Variants in ST18 observed in about 807,000 individuals in gnomAD.
The protein encoded by ST18 is suppression of tumorigenicity 18 protein.
In ST18, 50 loss-of-function variants were observed where a neutral mutation model predicts 110.0. That is an observed-to-expected ratio of 0.45 (90% CI 0.36 to 0.58). ST18 has a LOEUF of 0.58. Ranked by LOEUF, ST18 falls within the 20% of genes least tolerant of loss-of-function variation. The pLI, the probability that ST18 is intolerant of heterozygous loss-of-function variation, is 0.00. For synonymous variants in ST18, 461 were observed against 452.4 expected, an observed-to-expected ratio of 1.02 and a Z score of -0.24; for missense variants, 1,306 against 1,280.1, an observed-to-expected ratio of 1.02 and a Z score of -0.31.
chr8:52,297,235 C>T (rs1033148893), intron 2 of ST18, among the ~76,000 whole-genome samples: 1 of 152,160 alleles, frequency 6.6e-6, no homozygotes, highest in Non-Finnish European at 1.5e-5. Context: ...GCTTCCAGGC[C>T]CTGTCATTGT....
intron 19 of ST18, among the ~76,000 whole-genome samples, chr8:52,133,747 A>AT (rs2050806089): frequency 6.6e-6 from 1 of 150,828 alleles, no homozygotes; most frequent in African/African-American, 2.4e-5. Context: ...TATTGTTATT[A>AT]TTGAGACAAA....
chr8:52,373,627 A>C (rs1335418622), intron 2 of ST18, among the ~76,000 whole-genome samples: 1 of 151,958 alleles, frequency 6.6e-6, no homozygotes, highest in African/African-American at 2.4e-5. Context: ...CTCCTAGGCC[A>C]CTGGACAACT....
At chr8:52,117,082 G>T (rs1221990085) in intron 24 of ST18, among the ~76,000 whole-genome samples, 2 of 152,092 alleles carry the variant, frequency 1.3e-5, no homozygotes, top group African/African-American at 2.4e-5. Context: ...AAAAACCAAG[G>T]TCTTTAAAAT....
intron 5 of ST18, among the ~76,000 whole-genome samples, chr8:52,219,048 G>A (rs2085589173): frequency 6.6e-6 from 1 of 152,148 alleles, no homozygotes; most frequent in Non-Finnish European, 1.5e-5. Flanking sequence ...ACTAGATGAT[G>A]CCAGCATCTT....
intron 2 of ST18, among the ~76,000 whole-genome samples, chr8:52,323,019 G>A (rs1804697760): frequency 6.6e-6 from 1 of 152,192 alleles, no homozygotes; most frequent in African/African-American, 2.4e-5. Flanking sequence ...GAGCTCCAGA[G>A]CAGTAGGAGT....
intron 2 of ST18, among the ~76,000 whole-genome samples, chr8:52,369,838 G>A (rs1469759032): frequency 6.6e-6 from 1 of 152,114 alleles, no homozygotes; most frequent in Non-Finnish European, 1.5e-5. Flanking sequence ...TGCCATCCCT[G>A]CTTAAGGGCC....
chr8:52,154,902 A>G (rs916806794), intron 15 of ST18: 1 of 151,522 alleles, frequency 6.6e-6, no homozygotes, highest in African/African-American at 2.4e-5. Context: ...AAGAAAAAAA[A>G]GTTTTAGAAT....
At chr8:52,146,114 G>A (rs551542363) in intron 16 of ST18, among the ~76,000 whole-genome samples, 3 of 152,274 alleles carry the variant, frequency 2.0e-5, no homozygotes, top group Non-Finnish European at 2.9e-5. Flanking sequence ...AAGTGGCAAA[G>A]GGAAAGACGT....
At chr8:52,120,040 C>T (rs368137370) in intron 23 of ST18, among the ~76,000 whole-genome samples, 87 of 152,294 alleles carry the variant, frequency 5.7e-4, no homozygotes, top group African/African-American at 1.9e-3. Context: ...CAGGACCATA[C>T]TCATGGAACT....
Position 52,132,182 on chromosome 8 carries a change from A to G in ST18, c.2445-3T>C. The stretch of plus-strand genomic sequence containing the variant: ...CATCACACCCTATCACAGGACATCT[A>G]GAGAGAAAGCAGAGACATTACCAGC... On this transcript the variant is annotated splice_region_variant and splice_polypyrimidine_tract_variant and intron_variant, in intron 21 of 25. Transcript: ENST00000689386. 6.2e-7 allele frequency: 1 copy of G among 1,607,920 alleles called. No individual in the cohort carries two copies. Among genetic ancestry groups the G allele is most frequent in the Non-Finnish European group, 8.5e-7 (1 of 1,177,274 alleles).
At chr8:52,364,715 G>T (rs1031773498) in intron 2 of ST18, among the ~76,000 whole-genome samples, 18 of 152,154 alleles carry the variant, frequency 1.2e-4, no homozygotes, top group African/African-American at 3.6e-4. Context: ...AGCTACAGAG[G>T]TGATGAGGGT....
intron 7 of ST18, among the ~76,000 whole-genome samples, chr8:52,212,809 G>C (rs2082685516): frequency 2.0e-5 from 3 of 152,170 alleles, no homozygotes; most frequent in Admixed American, 2.0e-4. Flanking sequence ...GCTCTACTAA[G>C]GGTGTTCATG....
chr8:52,188,698 T>G (rs900927751), intron 8 of ST18, among the ~76,000 whole-genome samples: 4 of 152,128 alleles, frequency 2.6e-5, no homozygotes, highest in African/African-American at 9.7e-5. Flanking sequence ...ATAAACCAGA[T>G]GAGAGATGTG....
intron 17 of ST18, among the ~76,000 whole-genome samples, chr8:52,137,994 G>A (rs919694190): frequency 2.4e-4 from 37 of 151,374 alleles, no homozygotes; most frequent in African/African-American, 8.7e-4. Flanking sequence ...CCAGCTACTC[G>A]GAGGCTGAGG....
chr8:52,283,208 TA>T, intron 2 of ST18, among the ~76,000 whole-genome samples: 1 of 152,184 alleles, frequency 6.6e-6, no homozygotes, highest in East Asian at 1.9e-4. Context: ...TGGATGGAAA[TA>T]AACTAGGAGA....
At chr8:52,389,732 C>T (rs1029961127) in intron 2 of ST18, among the ~76,000 whole-genome samples, 4 of 152,208 alleles carry the variant, frequency 2.6e-5, no homozygotes, top group African/African-American at 9.6e-5. Context: ...TGGCCCTGCA[C>T]GGGCCTTCCT....
At chr8:52,178,645 C>CAAAAAAAAAAAAAAAAAAAAAAAAAA (rs1563897561) in intron 9 of ST18, among the ~76,000 whole-genome samples, 1 of 30,116 alleles carries the variant, frequency 3.3e-5, no homozygotes, top group African/African-American at 1.7e-4. Context: ...AAAAAAAAAC[C>CAAAAAAAAAAAAAAAAAAAAAAAAAA]ACCAAAAACC....
chr8:52,246,096 C>T (rs2137950649), intron 2 of ST18, among the ~76,000 whole-genome samples: 1 of 152,180 alleles, frequency 6.6e-6, no homozygotes, highest in African/African-American at 2.4e-5. Flanking sequence ...TATTCAAATA[C>T]TCGTAAAGAA....
At chr8:52,297,099 T>C (rs1376864442) in intron 2 of ST18, among the ~76,000 whole-genome samples, 1 of 152,188 alleles carries the variant, frequency 6.6e-6, no homozygotes, top group Non-Finnish European at 1.5e-5. Context: ...TAAGAATCTG[T>C]GTGTAGTGCA....
Sources: allele counts gnomAD v4.1 joint callset (sites outside exome capture counted in the v4.1 genomes callset), GRCh38; gene constraint gnomAD v4.1.1; transcripts MANE v1.5; gene names NCBI Gene and HGNC (gene_info 2026-07-23, HGNC 2026-07-21).